Variants in GRIK2 observed in about 807,000 individuals in gnomAD.
The protein encoded by GRIK2 is glutamate ionotropic receptor kainate type subunit 2.
GRIK2 carries 32 observed loss-of-function variants against 100.3 expected under a neutral mutation model. That is an observed-to-expected ratio of 0.32 (90% CI 0.24 to 0.43). The LOEUF (loss-of-function observed/expected upper bound fraction) is 0.43, where lower values mean the gene tolerates loss of function less well. Ranked by LOEUF, GRIK2 falls within the 20% of genes least tolerant of loss-of-function variation. The probability of loss-of-function intolerance (pLI) is 1.00; values close to 1 mark genes in which losing one functional copy is unlikely to be tolerated. For synonymous variants in GRIK2, 417 were observed against 389.4 expected (o/e 1.07, Z -0.83); for missense variants, 843 against 1,114.9 (o/e 0.76, Z 3.47).
rs1358183854 is a variant in GRIK2 at position 102,038,330 on chromosome 6, A to G, written c.2311+2764A>G. ...TTTCATTTGGGAAGAGCTGAAATAA[A>G]TTAACCCATGTTTTAGTATCATTTC... is the stretch of plus-strand genomic sequence containing the variant. On this transcript the variant is annotated intron_variant, in intron 15 of 16. Transcript: ENST00000369134. 6.6e-5 allele frequency among the ~76,000 whole-genome samples: 10 copies of G among 151,486 alleles called. No individual in the cohort carries two copies. The East Asian group carries it at 2.0e-3, about 30-fold the overall frequency.
intron 13 of GRIK2, 130 bp downstream of exon 13, chr6:101,924,849 C>A (rs1328132147): frequency 3.1e-6 from 2 of 639,168 alleles, no homozygotes; most frequent in Non-Finnish European, 5.7e-6. Flanking sequence ...GCTTTTCCAT[C>A]GACCTAATGC....
chr6:101,456,159 A>G (rs889998418), intron 2 of GRIK2, among the ~76,000 whole-genome samples: 10 of 151,790 alleles, frequency 6.6e-5, no homozygotes, highest in Non-Finnish European at 1.3e-4. Context: ...GCTGAAAGGC[A>G]TATGTGCATG....
At chr6:102,007,142 A>G (rs1384501998) in intron 14 of GRIK2, among the ~76,000 whole-genome samples, 1 of 152,124 alleles carries the variant, frequency 6.6e-6, no homozygotes, top group Non-Finnish European at 1.5e-5. Context: ...TTGAATATGG[A>G]TGGTTCCTTA....
intron 7 of GRIK2, among the ~76,000 whole-genome samples, chr6:101,717,966 C>T (rs1035109979): frequency 5.3e-5 from 8 of 151,734 alleles, no homozygotes; most frequent in African/African-American, 1.9e-4. Context: ...GTTATATTAG[C>T]CATTCTTCTT....
chr6:101,843,247 T>C (rs971300809), intron 10 of GRIK2, among the ~76,000 whole-genome samples: 10 of 152,178 alleles, frequency 6.6e-5, no homozygotes, highest in African/African-American at 2.4e-4. Flanking sequence ...CAAAGAGTGG[T>C]AATCAGCAAT....
intron 2 of GRIK2, among the ~76,000 whole-genome samples, chr6:101,415,130 T>C (rs1776071960): frequency 6.6e-6 from 1 of 152,156 alleles, no homozygotes; most frequent in Non-Finnish European, 1.5e-5. Flanking sequence ...TATCATTTTG[T>C]TTCTATTAAT....
At chr6:101,876,886 A>C (rs1473971467) in intron 11 of GRIK2, among the ~76,000 whole-genome samples, 1 of 151,918 alleles carries the variant, frequency 6.6e-6, no homozygotes, top group Non-Finnish European at 1.5e-5. Flanking sequence ...TGTTACTTCT[A>C]GGTATGTTAT....
chr6:101,442,153 G>A (rs1447577375), intron 2 of GRIK2, among the ~76,000 whole-genome samples: 1 of 152,170 alleles, frequency 6.6e-6, no homozygotes, highest in Non-Finnish European at 1.5e-5. Context: ...GTCTGAAAAT[G>A]TTGTAGGACT....
At chr6:102,045,901 C>T (rs1343063595) in intron 15 of GRIK2, among the ~76,000 whole-genome samples, 2 of 152,028 alleles carry the variant, frequency 1.3e-5, no homozygotes, top group Non-Finnish European at 2.9e-5. Context: ...CATCAAAATA[C>T]ATACAGTGGC....
At chr6:101,506,857 T>C (rs1774049106) in intron 2 of GRIK2, among the ~76,000 whole-genome samples, 2 of 152,072 alleles carry the variant, frequency 1.3e-5, no homozygotes, top group South Asian at 4.1e-4. Flanking sequence ...AACTTAACCA[T>C]TGTGCAAATT....
At chr6:101,897,850 A>G (rs1554282447) in intron 12 of GRIK2, among the ~76,000 whole-genome samples, 1 of 151,912 alleles carries the variant, frequency 6.6e-6, no homozygotes, top group South Asian at 2.1e-4. Flanking sequence ...TTTTTTCTTT[A>G]ATGCCAAACA....
chr6:101,921,439 G>A (rs999424356), intron 12 of GRIK2, among the ~76,000 whole-genome samples: 1 of 151,962 alleles, frequency 6.6e-6, no homozygotes, highest in Non-Finnish European at 1.5e-5. Context: ...TTAATTTGGA[G>A]GCCAATTGAT....
chr6:101,938,709 T>C (rs779871422), intron 14 of GRIK2, among the ~76,000 whole-genome samples: 10 of 152,094 alleles, frequency 6.6e-5, no homozygotes, highest in Non-Finnish European at 1.0e-4. Flanking sequence ...TCTGTGTGTG[T>C]ATGTACATGA....
At chr6:101,435,318 G>C (rs1582445459) in intron 2 of GRIK2, among the ~76,000 whole-genome samples, 1 of 151,034 alleles carries the variant, frequency 6.6e-6, no homozygotes, top group Non-Finnish European at 1.5e-5. Context: ...CTCAATCTCT[G>C]TCCTGCTTAA....
At chr6:101,873,442 T>A (rs1487063379) in intron 11 of GRIK2, among the ~76,000 whole-genome samples, 1 of 152,020 alleles carries the variant, frequency 6.6e-6, no homozygotes, top group East Asian at 1.9e-4. Context: ...TTTTTATGGC[T>A]GCATAGTATT....
intron 14 of GRIK2, among the ~76,000 whole-genome samples, chr6:102,007,458 T>C (rs937496741): frequency 6.6e-6 from 1 of 152,160 alleles, no homozygotes; most frequent in Non-Finnish European, 1.5e-5. Context: ...CTTCACTTTG[T>C]GACAGTACTC....
At chr6:101,974,896 A>T (rs987651439) in intron 14 of GRIK2, among the ~76,000 whole-genome samples, 2 of 152,044 alleles carry the variant, frequency 1.3e-5, no homozygotes, top group African/African-American at 4.8e-5. Flanking sequence ...GGTTTTATTT[A>T]AAAATCGAAT....
At chr6:102,015,212 A>AATCTT (rs61049401) in intron 14 of GRIK2, among the ~76,000 whole-genome samples, 6 of 118,774 alleles carry the variant, frequency 5.1e-5, no homozygotes, top group African/African-American at 3.8e-4. Context: ...TTTTTTTTTT[A>AATCTT]TCTTTGTTGA....
intron 4 of GRIK2, among the ~76,000 whole-genome samples, chr6:101,670,652 T>G (rs1420162538): frequency 3.9e-5 from 6 of 152,292 alleles, no homozygotes; most frequent in East Asian, 1.9e-4. Flanking sequence ...GCCTTTCCTT[T>G]GGCAATGAGT....
Sources: allele counts gnomAD v4.1 joint callset (sites outside exome capture counted in the v4.1 genomes callset), GRCh38; gene constraint gnomAD v4.1.1; transcripts MANE v1.5; gene names NCBI Gene and HGNC (gene_info 2026-07-23, HGNC 2026-07-21).